The following OR1J2 variants were observed in gnomAD, a reference collection of about 807,000 sequenced individuals.
OR1J2 encodes olfactory receptor 1J2.
For missense variants in OR1J2, 304 were observed against 246.1 expected (o/e 1.24, Z -1.57); for synonymous variants, 142 against 99.7 (o/e 1.42, Z -2.52).
chr9:122,483,190 A>C, the OR1J2 span, among the ~76,000 whole-genome samples: 1 of 152,208 alleles, frequency 6.6e-6, no homozygotes, highest in Non-Finnish European at 1.5e-5. Context: ...GAACAGTTTA[A>C]ATTGGCTTAT....
At chr9:122,540,592 G>A in the OR1J2 span, among the ~76,000 whole-genome samples, 3 of 151,976 alleles carry the variant, frequency 2.0e-5, no homozygotes, top group East Asian at 5.8e-4. Context: ...TTGACTTGGC[G>A]ATGCGGGCTC....
At chr9:122,541,039 C>T in the OR1J2 span, among the ~76,000 whole-genome samples, 1 of 152,272 alleles carries the variant, frequency 6.6e-6, no homozygotes, top group Admixed American at 6.5e-5. Context: ...ACCAACCTCC[C>T]TGCTAACACC....
chr9:122,492,117 A>G, the OR1J2 span, among the ~76,000 whole-genome samples: 2 of 152,092 alleles, frequency 1.3e-5, no homozygotes, highest in Admixed American at 6.6e-5. Flanking sequence ...GGTACTGAGC[A>G]TAGTACCTAA....
chr9:122,494,745 G>A, the OR1J2 span, among the ~76,000 whole-genome samples: 5 of 151,968 alleles, frequency 3.3e-5, no homozygotes, highest in African/African-American at 1.2e-4. Flanking sequence ...TGAATACTTG[G>A]TTTTATTTTC....
the OR1J2 span, among the ~76,000 whole-genome samples, chr9:122,471,689 C>T: frequency 2.6e-5 from 4 of 152,254 alleles, no homozygotes; most frequent in Admixed American, 2.0e-4. Context: ...AATCACTTTG[C>T]GGATAATGCA....
At chr9:122,515,352 T>TTGTGTGTGTGTGTGTGTG (rs10651846), downstream of OR1J2, among the ~76,000 whole-genome samples, 922 of 135,792 alleles carry the variant, frequency 6.8e-3, 15 homozygotes, top group African/African-American at 0.012. Context: ...CAGGAGCAGG[T>TTGTGTGTGTGTGTGTGTG]TGTGTGTGTG....
chr9:122,452,330 A>G, the OR1J2 span, among the ~76,000 whole-genome samples: 3 of 152,116 alleles, frequency 2.0e-5, no homozygotes, highest in Non-Finnish European at 2.9e-5. Flanking sequence ...ACTCCTTTCA[A>G]CTTTTTGACA....
the OR1J2 span, among the ~76,000 whole-genome samples, chr9:122,479,331 T>G: frequency 6.6e-6 from 1 of 152,214 alleles, no homozygotes; most frequent in Non-Finnish European, 1.5e-5. Flanking sequence ...TTTTACTGAC[T>G]GTGTCAAGCC....
At chr9:122,562,715 G>T in the OR1J2 span, among the ~76,000 whole-genome samples, 6 of 152,126 alleles carry the variant, frequency 3.9e-5, no homozygotes, top group Non-Finnish European at 7.4e-5. Flanking sequence ...TGTTTTGGTT[G>T]TTTTCTGAAT....
chr9:122,558,577 A>G, the OR1J2 span, among the ~76,000 whole-genome samples: 1 of 151,676 alleles, frequency 6.6e-6, no homozygotes, highest in African/African-American at 2.4e-5. Context: ...TGATGCCTTC[A>G]AGAACATATT....
At chr9:122,477,759 G>A in the OR1J2 span, 2 of 1,614,092 alleles carry the variant, frequency 1.2e-6, no homozygotes, top group Admixed American at 1.7e-5. Context: ...ACATGGGGGT[G>A]TGAAGGTGAG....
the OR1J2 span, among the ~76,000 whole-genome samples, chr9:122,555,281 T>C: frequency 6.6e-6 from 1 of 152,222 alleles, no homozygotes; most frequent in Non-Finnish European, 1.5e-5. Context: ...GATCTTCCTT[T>C]AAGGAAGATC....
At chr9:122,524,516 T>C in the OR1J2 span, among the ~76,000 whole-genome samples, 1 of 152,236 alleles carries the variant, frequency 6.6e-6, no homozygotes, top group Admixed American at 6.5e-5. Flanking sequence ...TGCTGAGTGC[T>C]GACCTAACTC....
chr9:122,492,800 A>G, the OR1J2 span, among the ~76,000 whole-genome samples: 15 of 152,194 alleles, frequency 9.9e-5, no homozygotes, highest in Non-Finnish European at 1.9e-4. Flanking sequence ...TCTCAGGGGG[A>G]ATGCTTTCAA....
the OR1J2 span, chr9:122,568,241 G>T: frequency 6.2e-7 from 1 of 1,614,046 alleles, no homozygotes; most frequent in Non-Finnish European, 8.5e-7. Context: ...GCATCTTGGG[G>T]ACAACGCTTG....
At chr9:122,477,065 A>G in the OR1J2 span, 1 of 1,614,074 alleles carries the variant, frequency 6.2e-7, no homozygotes, top group Non-Finnish European at 8.5e-7. Context: ...CTGTAAATGA[A>G]TGGGTTCAAC....
the OR1J2 span, among the ~76,000 whole-genome samples, chr9:122,532,342 C>T: frequency 6.6e-6 from 1 of 152,070 alleles, no homozygotes; most frequent in African/African-American, 2.4e-5. Context: ...TATAGCATAG[C>T]CTGCCTTTGC....
chr9:122,576,354 T>C, the OR1J2 span, among the ~76,000 whole-genome samples: 2 of 151,770 alleles, frequency 1.3e-5, no homozygotes, highest in Non-Finnish European at 2.9e-5. Flanking sequence ...CCCAAGTAGC[T>C]GGGATTACAG....
At chr9:122,533,694 T>G in the OR1J2 span, among the ~76,000 whole-genome samples, 1 of 151,928 alleles carries the variant, frequency 6.6e-6, no homozygotes, top group Non-Finnish European at 1.5e-5. Flanking sequence ...TTGGGGAGTT[T>G]TAAGGGGTTT....
Sources: allele counts gnomAD v4.1 joint callset (sites outside exome capture counted in the v4.1 genomes callset), GRCh38; gene constraint gnomAD v4.1.1; transcripts MANE v1.5; gene names NCBI Gene and HGNC (gene_info 2026-07-23, HGNC 2026-07-21).